ABRAXAS1: variants seen among roughly 807,000 people sequenced by gnomAD.
ABRAXAS1 encodes abraxas 1, BRCA1 A complex subunit.
A neutral mutation model predicts 38.4 loss-of-function variants in ABRAXAS1; 26 were observed. The observed-to-expected ratio is 0.68, with a 90% CI of 0.50 to 0.94. The LOEUF is 0.94. Ranked by LOEUF, ABRAXAS1 falls within the 40% of genes least tolerant of loss-of-function variation. The probability of loss-of-function intolerance (pLI) is 0.00; values close to 1 mark genes in which losing one functional copy is unlikely to be tolerated. For synonymous variants in ABRAXAS1, 144 were observed against 165.5 expected, an observed-to-expected ratio of 0.87 and a Z score of 1.00; for missense variants, 438 against 481.9, an observed-to-expected ratio of 0.91 and a Z score of 0.85.
At chr4:83,477,407 A>C (rs982626331) in intron 2 of ABRAXAS1, 2 of 182,196 alleles carry the variant, frequency 1.1e-5, no homozygotes, top group African/African-American at 4.8e-5. Flanking sequence ...CGAACCAAAA[A>C]AAAAAACTAC....
At chr4:83,472,421 T>C in intron 3 of ABRAXAS1, 133 bp from the exon 4 acceptor site, 1 of 446,842 alleles carries the variant, frequency 2.2e-6, no homozygotes, top group African/African-American at 2.1e-5. Flanking sequence ...GATGAAGTCC[T>C]AAAATAAACA....
chr4:83,467,426 G>A (rs1257295797), intron 7 of ABRAXAS1, 28 bp downstream of exon 7: 4 of 1,185,626 alleles, frequency 3.4e-6, no homozygotes, highest in Non-Finnish European at 5.0e-6. Flanking sequence ...ATCTAGAAGT[G>A]GTTGACGTGT....
intron 2 of ABRAXAS1, chr4:83,478,842 A>T (rs1424620231): frequency 6.5e-6 from 1 of 153,228 alleles, no homozygotes; most frequent in African/African-American, 2.4e-5. Context: ...CAGAAAAAAA[A>T]TTATAAACTG....
In ABRAXAS1 at chr4:83,472,291, G is replaced by T; in HGVS notation, c.216-3C>A. ...CTTCGCCTGAAGAATTATAAAAGCT[G>T]TAAAAGCCAAAATTAAAGGTATTTC... On this transcript the variant is annotated splice_region_variant and splice_polypyrimidine_tract_variant and intron_variant, in intron 3 of 8. Transcript: ENST00000321945. 1 of 1,494,104 alleles carries T rather than the reference G, an allele frequency of 6.7e-7. No homozygotes were observed. The highest frequency in any genetic ancestry group is 8.9e-7 in the Non-Finnish European group (1 of 1,117,996). 92.6% of individuals were successfully genotyped at this position (1,494,104 alleles called of 1,614,324 possible).
intron 1 of ABRAXAS1, among the ~76,000 whole-genome samples, chr4:83,482,840 T>C (rs1723045575): frequency 6.6e-6 from 1 of 152,176 alleles, no homozygotes; most frequent in Admixed American, 6.5e-5. Flanking sequence ...TGGGCAATAT[T>C]TGTGTAGGCA....
At chr4:83,481,883 G>C (rs1439107451) in intron 2 of ABRAXAS1, among the ~76,000 whole-genome samples, 4 of 152,194 alleles carry the variant, frequency 2.6e-5, no homozygotes, top group Non-Finnish European at 5.9e-5. Context: ...CCAAGTAACT[G>C]GGATTACAGA....
chr4:83,482,873 T>G (rs569106017), intron 1 of ABRAXAS1, among the ~76,000 whole-genome samples: 1 of 152,096 alleles, frequency 6.6e-6, no homozygotes, highest in South Asian at 2.1e-4. Flanking sequence ...CTGGGCACAC[T>G]TGGAAGCATA....
chr4:83,477,965 G>A (rs1049135641), intron 2 of ABRAXAS1: 5 of 908,672 alleles, frequency 5.5e-6, no homozygotes, highest in Admixed American at 1.8e-5. Flanking sequence ...GCAGGCTCAA[G>A]GAAGTTTGTT....
In ABRAXAS1 at chr4:83,461,002, A is replaced by T; in HGVS notation, c.*1467T>A. On this transcript the variant is annotated 3_prime_UTR_variant, in exon 9 of 9. Coordinates refer to ENST00000321945, the MANE Select transcript of ABRAXAS1 (RefSeq NM_139076.3). The stretch of plus-strand genomic sequence containing the variant: ...TTGTGGGAAGAAACAGAAAGAAATC[A>T]CAAAAGCAATTAAGAGAGCTCAAAT... 2 of 1,609,660 alleles carry T rather than the reference A, an allele frequency of 1.2e-6. No individual in the cohort carries two copies. The highest frequency in any genetic ancestry group is 1.7e-6 in the Non-Finnish European group (2 of 1,178,726).
chr4:83,467,098 G>A (rs1722390327), intron 7 of ABRAXAS1: 1 of 179,096 alleles, frequency 5.6e-6, no homozygotes, highest in South Asian at 1.3e-4. Context: ...CAGCATCTAT[G>A]ATGGGGTCTC....
intron 2 of ABRAXAS1, among the ~76,000 whole-genome samples, chr4:83,481,342 C>T (rs528678270): frequency 2.8e-4 from 43 of 152,182 alleles, no homozygotes; most frequent in African/African-American, 9.9e-4. Flanking sequence ...TTTCCCTATG[C>T]ATTTTAAAGG....
Position 83,460,878 on chromosome 4 carries a change from C to T in ABRAXAS1, c.*1591G>A, listed in dbSNP as rs1722072106. On this transcript the variant is annotated 3_prime_UTR_variant, in exon 9 of 9. Coordinates refer to ENST00000321945, the MANE Select transcript of ABRAXAS1 (RefSeq NM_139076.3). Reference sequence around the variant, plus strand: ...GCGAGAGAGCACCACTGTACTCCAGCCTGGGTGACACAGGGAGACTCCATC... The same window carrying T: ...GCGAGAGAGCACCACTGTACTCCAGTCTGGGTGACACAGGGAGACTCCATC... The T allele has an allele frequency of 1.9e-6, 2 of 1,047,460 alleles. No individual in the cohort carries two copies. The highest frequency in any genetic ancestry group is 2.5e-5 in the East Asian group (1 of 40,804). 64.9% of individuals were successfully genotyped at this position (1,047,460 alleles called of 1,614,324 possible). A position where few individuals can be genotyped will look rare whatever the true frequency, so the allele number is the denominator to read the frequency against.
At chr4:83,473,547 T>C (rs1722657663) in intron 3 of ABRAXAS1, among the ~76,000 whole-genome samples, 1 of 152,040 alleles carries the variant, frequency 6.6e-6, no homozygotes, top group African/African-American at 2.4e-5. Context: ...GCAGAATTCA[T>C]GTCAAACTGC....
intron 3 of ABRAXAS1, among the ~76,000 whole-genome samples, chr4:83,476,093 T>A (rs1722755504): frequency 6.6e-6 from 1 of 152,088 alleles, no homozygotes; most frequent in Admixed American, 6.6e-5. Context: ...CCCAGCTACT[T>A]GGGGGGCTGA....
chr4:83,465,285 CTG>C (rs1327934113), intron 7 of ABRAXAS1, among the ~76,000 whole-genome samples: 1 of 133,102 alleles, frequency 7.5e-6, no homozygotes, highest in Non-Finnish European at 1.6e-5. Context: ...AGGCGACACA[CTG>C]AGACTCTGTC....
intron 2 of ABRAXAS1, among the ~76,000 whole-genome samples, chr4:83,477,331 A>AT (rs1560577974): frequency 1.3e-5 from 2 of 151,820 alleles, no homozygotes; most frequent in African/African-American, 4.8e-5. Context: ...GCTTGCTTTT[A>AT]TTTTTTAATT....
At chr4:83,472,496 A>C (rs1722618494) in intron 3 of ABRAXAS1, among the ~76,000 whole-genome samples, 1 of 152,226 alleles carries the variant, frequency 6.6e-6, no homozygotes, top group Non-Finnish European at 1.5e-5. Flanking sequence ...AAAGCAATGA[A>C]AAGGAAAAAG....
Position 83,477,486 on chromosome 4 carries a change from G to A in ABRAXAS1, c.179-807C>T, listed in dbSNP as rs549697084. On this transcript the variant is annotated intron_variant, in intron 2 of 8. Transcript: ENST00000321945. ...ACTGCAGTGGCATTTCTGACTGTGG[G>A]AGCCTCAGTTTCCCAGTCATCTGAT... 7.5e-4 allele frequency: 274 copies of A among 367,458 alleles called. 10 individuals carry two copies. Among genetic ancestry groups the A allele is most frequent in the South Asian group, 6.4e-3 (250 of 39,324 alleles). 22.8% of individuals were successfully genotyped at this position (367,458 alleles called of 1,614,324 possible).
chr4:83,476,620 T>C, intron 3 of ABRAXAS1, 23 bp downstream of exon 3: 1 of 1,494,166 alleles, frequency 6.7e-7, no homozygotes, highest in East Asian at 2.3e-5. Flanking sequence ...ATGGATCATT[T>C]ACTTACTAGC....
Sources: allele counts gnomAD v4.1 joint callset (sites outside exome capture counted in the v4.1 genomes callset), GRCh38; gene constraint gnomAD v4.1.1; transcripts MANE v1.5; gene names NCBI Gene and HGNC (gene_info 2026-07-23, HGNC 2026-07-21).